Variants in RBP7 observed in about 807,000 individuals in gnomAD.
The protein encoded by RBP7 is retinol binding protein 7, also known as retinoid-binding protein 7.
In RBP7, 13 loss-of-function variants were observed where a neutral mutation model predicts 16.7. That is an observed-to-expected ratio of 0.78 (90% confidence interval 0.51 to 1.24). The LOEUF (loss-of-function observed/expected upper bound fraction) is 1.24, where lower values mean the gene tolerates loss of function less well. RBP7 is among the 50% of genes most tolerant of loss of function. RBP7 has a pLI of 0.00. For synonymous variants in RBP7, 54 were observed against 56.2 expected (o/e 0.96, Z 0.17); for missense variants, 145 against 159.5 (o/e 0.91, Z 0.49).
At chr1:10,012,031 C>T (rs1038006723) in intron 3 of RBP7, among the ~76,000 whole-genome samples, 2 of 151,610 alleles carry the variant, frequency 1.3e-5, no homozygotes, top group African/African-American at 2.4e-5. Context: ...GAGAAACTCC[C>T]GTCTCTACTA....
rs1338369691 is a variant in RBP7, at chr1:9,997,852, G to A, written c.73+521G>A. On this transcript the variant is annotated intron_variant, in intron 1 of 3. Transcript: ENST00000294435. The surrounding 1 kb of genome is among the most constrained non-coding windows in gnomAD (Gnocchi z 5.9). ...AAGTCCCAGCAGCCTCGGCGCACCC[G>A]GAGCGGGTCGGGGATGCAGAATCCT... Among the ~76,000 whole-genome samples, 2 of 152,096 alleles carry A rather than the reference G, an allele frequency of 1.3e-5. No homozygotes were observed. The highest frequency in any genetic ancestry group is 6.5e-5 in the Admixed American group (1 of 15,276).
chr1:9,997,789 C>T lies in RBP7; in HGVS notation c.73+458C>T, dbSNP rs1359334331. On this transcript the variant is annotated intron_variant, in intron 1 of 3. Coordinates refer to ENST00000294435, the MANE Select transcript of RBP7 (RefSeq NM_052960.3). The surrounding 1 kb of genome is among the most constrained non-coding windows in gnomAD (Gnocchi z 5.9). ...GGCCACCCTCCCCGCAGCCGCCTTC[C>T]GTGCAGGCCCCGGGGCCCCGGGCGC... Among the ~76,000 whole-genome samples, 1 of 152,032 alleles carries T rather than the reference C, an allele frequency of 6.6e-6. No individual in the cohort carries two copies. Among genetic ancestry groups the T allele is most frequent in the Admixed American group, 6.6e-5 (1 of 15,256 alleles).
chr1:10,006,941 T>C, intron 1 of RBP7: 2 of 439,228 alleles, frequency 4.6e-6, no homozygotes, highest in South Asian at 3.2e-5. Flanking sequence ...GTCCCTTTGG[T>C]TTTCTTTTTC....
In RBP7 at chr1:10,010,152, G is replaced by C. The variant is rs559548072; in HGVS notation, c.354+1878G>C. Among the ~76,000 whole-genome samples the C allele has an allele frequency of 1.6e-4, 25 of 152,132 alleles. No individual in the cohort carries two copies. In the East Asian group the frequency reaches 4.3e-3, roughly 26 times the overall value. ...TGTTTTTGAGATGGAGTCTTGCTCT[G>C]TTGCCCAGGCTGGAGTGCAGTGGCA... is the stretch of plus-strand genomic sequence containing the variant. On this transcript the variant is annotated intron_variant, in intron 3 of 3. Coordinates refer to ENST00000294435, the MANE Select transcript of RBP7 (RefSeq NM_052960.3).
intron 1 of RBP7, chr1:10,007,285 T>G (rs1557485802): frequency 2.8e-6 from 1 of 354,324 alleles, no homozygotes; most frequent in Non-Finnish European, 5.2e-6. Flanking sequence ...GGTCTTGCTA[T>G]GTTGCCCAGG....
chr1:9,998,407 C>CTTTTTTTTTTTTTTTTTTT (rs772810621), intron 1 of RBP7, among the ~76,000 whole-genome samples: 1 of 121,588 alleles, frequency 8.2e-6, no homozygotes, highest in African/African-American at 3.3e-5. Context: ...TTCTTTCTTT[C>CTTTTTTTTTTTTTTTTTTT]TTTTTTTTTT....
At chr1:10,013,512 T>A (rs1004945763) in intron 3 of RBP7, among the ~76,000 whole-genome samples, 5 of 151,974 alleles carry the variant, frequency 3.3e-5, no homozygotes, top group Non-Finnish European at 7.4e-5. Context: ...TGTGACTCTG[T>A]CTCTACAAAA....
intron 1 of RBP7, among the ~76,000 whole-genome samples, chr1:10,005,883 C>A (rs1451010536): frequency 6.6e-6 from 1 of 152,006 alleles, no homozygotes; most frequent in Non-Finnish European, 1.5e-5. Flanking sequence ...TCATCTCTAA[C>A]TCCTCTCCTT....
At chr1:10,003,901 A>AC (rs1642346226) in intron 1 of RBP7, among the ~76,000 whole-genome samples, 1 of 151,500 alleles carries the variant, frequency 6.6e-6, no homozygotes, top group Non-Finnish European at 1.5e-5. Context: ...GATTACAGGC[A>AC]CCCCCCACCA....
chr1:10,008,750 C>T (rs1001412448), intron 3 of RBP7, among the ~76,000 whole-genome samples: 1 of 152,000 alleles, frequency 6.6e-6, no homozygotes, highest in Non-Finnish European at 1.5e-5. Context: ...CCCATCTCTA[C>T]TGAAAATACA....
At chr1:9,998,407 C>CTTTTTTTTTT (rs772810621) in intron 1 of RBP7, among the ~76,000 whole-genome samples, 13 of 121,588 alleles carry the variant, frequency 1.1e-4, no homozygotes, top group South Asian at 2.7e-4. Context: ...TTCTTTCTTT[C>CTTTTTTTTTT]TTTTTTTTTT....
Position 9,997,272 on chromosome 1 carries a change from T to A in RBP7, c.14T>A (p.Leu5His). The part of the protein sequence containing the change: MPAD[L>H]SGTWTLLSSD... ...CGATCCCCGACCATGCCCGCCGACC[T>A]CAGCGGTACTTGGACCCTGCTCAGC... The change falls in exon 1 of 4, where the codon CTC (leucine) becomes CAC (histidine). Residue 5 changes from leucine to histidine, a missense_variant. Leu to His is a moderately conservative substitution (Grantham distance 99). Transcript: ENST00000294435. This position sits in a 1 kb window ranked among gnomAD's most constrained non-coding sequence, Gnocchi z 5.9. 1 of 1,562,588 alleles carries A rather than the reference T, an allele frequency of 6.4e-7. No homozygotes were observed. The highest frequency in any genetic ancestry group is 1.8e-5 in the Admixed American group (1 of 56,998).
chr1:10,012,621 G>A (rs1183840697), intron 3 of RBP7, among the ~76,000 whole-genome samples: 1 of 129,558 alleles, frequency 7.7e-6, no homozygotes, highest in Non-Finnish European at 1.5e-5. Flanking sequence ...GGACTAGCCT[G>A]TCTTTAAAAA....
chr1:10,005,293 C>T (rs568026746), intron 1 of RBP7, among the ~76,000 whole-genome samples: 2 of 152,246 alleles, frequency 1.3e-5, no homozygotes, highest in South Asian at 4.1e-4. Flanking sequence ...CTCACTGCAA[C>T]CTCCGCCTCC....
intron 1 of RBP7, chr1:10,007,133 A>G (rs1642471060): frequency 3.1e-6 from 1 of 323,286 alleles, no homozygotes; most frequent in Non-Finnish European, 6.0e-6. Flanking sequence ...TTTAGTAGAG[A>G]TGGGGTTTCT....
chr1:10,014,369 C>A (rs1642714659), intron 3 of RBP7, among the ~76,000 whole-genome samples: 1 of 151,194 alleles, frequency 6.6e-6, no homozygotes, highest in Non-Finnish European at 1.5e-5. Flanking sequence ...TGTTTCTTTT[C>A]TTTTCTTTTC....
At chr1:10,009,267 G>A (rs6684466) in intron 3 of RBP7, among the ~76,000 whole-genome samples, 4,429 of 152,136 alleles carry the variant, frequency 0.029, 204 homozygotes, top group African/African-American at 0.1. Flanking sequence ...AAAATTAGCT[G>A]GGCATGGTGG....
intron 1 of RBP7, among the ~76,000 whole-genome samples, chr1:10,005,137 A>G (rs1243438252): frequency 6.6e-6 from 1 of 152,138 alleles, no homozygotes; most frequent in African/African-American, 2.4e-5. Flanking sequence ...CACACACACA[A>G]GCTTTTTTAT....
intron 1 of RBP7, among the ~76,000 whole-genome samples, chr1:10,006,330 G>T (rs1642438979): frequency 6.6e-6 from 1 of 152,004 alleles, no homozygotes; most frequent in African/African-American, 2.4e-5. Context: ...AACATAGTGA[G>T]ACTTGATCTC....
Sources: gnomAD v4.1 joint callset for allele counts (sites outside exome capture counted in the v4.1 genomes callset) on GRCh38, gnomAD v4.1.1 for gene constraint, Gnocchi (gnomAD v3.1) non-coding constraint, MANE v1.5 for transcripts, NCBI Gene and HGNC (gene_info 2026-07-23, HGNC 2026-07-21) for gene names.